The following GALNT13 variants were observed in gnomAD, a reference collection of about 807,000 sequenced individuals.
The protein encoded by GALNT13 is polypeptide N-acetylgalactosaminyltransferase 13, also known as UDP-GalNAc:polypeptide N-acetylgalactosaminyltransferase 13.
GALNT13 carries 28 observed loss-of-function variants against 64.2 expected under a neutral mutation model. The observed-to-expected ratio is 0.44, with a 90% CI of 0.32 to 0.60. The LOEUF is 0.60. Ranked by LOEUF, GALNT13 falls within the 20% of genes least tolerant of loss-of-function variation. GALNT13 has a pLI of 0.05. For missense variants in GALNT13, 577 were observed against 669.8 expected, an observed-to-expected ratio of 0.86 and a Z score of 1.53; for synonymous variants, 214 against 224.6, an observed-to-expected ratio of 0.95 and a Z score of 0.42.
chr2:153,165,248 G>T, the GALNT13 span, among the ~76,000 whole-genome samples: 1 of 152,114 alleles, frequency 6.6e-6, no homozygotes, highest in African/African-American at 2.4e-5. Context: ...GAAAGATAAG[G>T]GTACTTTGAT....
intron 9 of GALNT13, among the ~76,000 whole-genome samples, chr2:154,350,562 A>G (rs1574136901): frequency 6.6e-6 from 1 of 152,198 alleles, no homozygotes; most frequent in Non-Finnish European, 1.5e-5. Context: ...TAGTTGATCC[A>G]CAGCTTGCAG....
rs1270209174 is a variant in GALNT13, at chr2:154,451,292, A to G, written c.*741A>G. 1.3e-5 allele frequency: 2 copies of G among 152,058 alleles called. No individual in the cohort carries two copies. The highest frequency in any genetic ancestry group is 2.9e-5 in the Non-Finnish European group (2 of 67,998). 9.4% of individuals were successfully genotyped at this position (152,058 alleles called of 1,614,324 possible). ...AAAGTGGGTTGCAATCATTCCTAAC[A>G]CAGGCTGAAACTAAACAATCTTGCT... On this transcript the variant is annotated 3_prime_UTR_variant, in exon 13 of 13. Coordinates refer to ENST00000392825, the MANE Select transcript of GALNT13 (RefSeq NM_052917.4).
the GALNT13 span, among the ~76,000 whole-genome samples, chr2:153,535,499 A>G: frequency 2.0e-5 from 3 of 152,186 alleles, no homozygotes; most frequent in Non-Finnish European, 1.5e-5. Context: ...GAGTATGACT[A>G]GACAGAAGAT....
At chr2:154,105,893 A>G (rs895750183) in intron 3 of GALNT13, among the ~76,000 whole-genome samples, 4 of 152,192 alleles carry the variant, frequency 2.6e-5, no homozygotes, top group Admixed American at 1.3e-4. Context: ...TACCTACCGT[A>G]GCAGACAACA....
chr2:154,189,765 T>C (rs972246699), intron 4 of GALNT13, among the ~76,000 whole-genome samples: 6 of 152,140 alleles, frequency 3.9e-5, no homozygotes, highest in African/African-American at 1.4e-4. Flanking sequence ...CACATTTTAT[T>C]CCACCATCCA....
At chr2:153,435,421 G>A in the GALNT13 span, among the ~76,000 whole-genome samples, 1 of 152,092 alleles carries the variant, frequency 6.6e-6, no homozygotes, top group Non-Finnish European at 1.5e-5. Context: ...ACCTTGGGCA[G>A]TATGGCCATT....
chr2:154,056,477 C>G (rs1228739625), intron 3 of GALNT13, among the ~76,000 whole-genome samples: 1 of 152,122 alleles, frequency 6.6e-6, no homozygotes, highest in Non-Finnish European at 1.5e-5. Flanking sequence ...ACTCATAGAT[C>G]AAGTGCTTTT....
intron 2 of GALNT13, among the ~76,000 whole-genome samples, chr2:153,924,165 T>G (rs1397505071): frequency 6.6e-6 from 1 of 152,138 alleles, no homozygotes; most frequent in Non-Finnish European, 1.5e-5. Flanking sequence ...ACCTTTGTAT[T>G]AAGCCGAGCA....
chr2:153,419,787 G>T, the GALNT13 span, among the ~76,000 whole-genome samples: 3 of 152,060 alleles, frequency 2.0e-5, no homozygotes, highest in Non-Finnish European at 4.4e-5. Flanking sequence ...ATCACTGGGG[G>T]AAACTAAGTG....
chr2:154,222,145 T>G (rs1485568761), intron 4 of GALNT13, among the ~76,000 whole-genome samples: 1 of 152,076 alleles, frequency 6.6e-6, no homozygotes, highest in African/African-American at 2.4e-5. Flanking sequence ...TTTGCACAAT[T>G]TACAGGTTGA....
At chr2:153,398,893 A>G in the GALNT13 span, among the ~76,000 whole-genome samples, 34 of 127,184 alleles carry the variant, frequency 2.7e-4, 1 homozygote, top group African/African-American at 1.0e-3. Flanking sequence ...CTCTGATGGT[A>G]GTTTCTTTTG....
At chr2:153,505,643 C>G in the GALNT13 span, among the ~76,000 whole-genome samples, 3 of 151,388 alleles carry the variant, frequency 2.0e-5, no homozygotes, top group African/African-American at 7.3e-5. Context: ...TACTTAATTT[C>G]TATATATATA....
At chr2:153,626,360 G>A in the GALNT13 span, among the ~76,000 whole-genome samples, 2 of 152,092 alleles carry the variant, frequency 1.3e-5, no homozygotes, top group Non-Finnish European at 2.9e-5. Flanking sequence ...CAAAAGGAGA[G>A]ATGAATACAA....
the GALNT13 span, among the ~76,000 whole-genome samples, chr2:153,236,587 C>A: frequency 6.6e-6 from 1 of 151,982 alleles, no homozygotes; most frequent in Non-Finnish European, 1.5e-5. Context: ...AGCAACAAGG[C>A]CTGTATGACA....
intron 9 of GALNT13, among the ~76,000 whole-genome samples, chr2:154,350,162 G>A (rs1000124284): frequency 6.6e-6 from 1 of 152,194 alleles, no homozygotes; most frequent in African/African-American, 2.4e-5. Context: ...AACATTGAGT[G>A]TCAACTTGAT....
chr2:153,872,078 C>T lies in GALNT13; in HGVS notation c.-402C>T, dbSNP rs2105208853. 6.6e-6 allele frequency: 1 copy of T among 152,182 alleles called. No individual in the cohort carries two copies. Among genetic ancestry groups the T allele is most frequent in the Admixed American group, 6.5e-5 (1 of 15,300 alleles). 9.4% of individuals were successfully genotyped at this position (152,182 alleles called of 1,614,324 possible). ...GGCCCCTCTCTGGGGCTGGCCGAGG[C>T]TGGAGCCGGCTCCCTCTGCTCGCGG... On this transcript the variant is annotated 5_prime_UTR_variant, in exon 1 of 13. Transcript: ENST00000392825.
chr2:153,833,543 T>C, the GALNT13 span, among the ~76,000 whole-genome samples: 2 of 152,270 alleles, frequency 1.3e-5, no homozygotes, highest in Non-Finnish European at 2.9e-5. Context: ...TTGTTCTATT[T>C]TATTAGTAAT....
intron 3 of GALNT13, among the ~76,000 whole-genome samples, chr2:154,083,700 G>A (rs776834995): frequency 2.6e-5 from 4 of 151,490 alleles, no homozygotes; most frequent in African/African-American, 7.3e-5. Context: ...CTTGCACCAC[G>A]GATAATTAAG....
chr2:153,412,660 G>A, the GALNT13 span, among the ~76,000 whole-genome samples: 2 of 152,174 alleles, frequency 1.3e-5, no homozygotes, highest in East Asian at 3.9e-4. Context: ...CCTAAGGACT[G>A]AGTGTTTGTT....
Sources: gnomAD v4.1 joint callset for allele counts (sites outside exome capture counted in the v4.1 genomes callset) on GRCh38, gnomAD v4.1.1 for gene constraint, MANE v1.5 for transcripts, NCBI Gene and HGNC (gene_info 2026-07-23, HGNC 2026-07-21) for gene names.